KCNK12: variants seen among roughly 807,000 people sequenced by gnomAD.
KCNK12 encodes potassium two pore domain channel subfamily K member 12, also known as potassium channel subfamily K member 12.
KCNK12 carries 6 observed loss-of-function variants against 25.3 expected under a neutral mutation model. The observed-to-expected ratio is 0.24, with a 90% CI of 0.13 to 0.47. The LOEUF is 0.47. KCNK12 is among the 20% of genes least tolerant of loss of function. The pLI is 0.99. For missense variants in KCNK12, 444 were observed against 661.7 expected, an observed-to-expected ratio of 0.67 and a Z score of 3.61; for synonymous variants, 331 against 311.1, an observed-to-expected ratio of 1.06 and a Z score of -0.67.
At chr2:47,530,628 C>A (rs1668899996) in intron 1 of KCNK12, among the ~76,000 whole-genome samples, 1 of 152,186 alleles carries the variant, frequency 6.6e-6, no homozygotes. Flanking sequence ...GCATGAGGCT[C>A]CATGTTTTCA....
At chr2:47,534,242 GT>G (rs1558552871) in intron 1 of KCNK12, among the ~76,000 whole-genome samples, 9 of 150,514 alleles carry the variant, frequency 6.0e-5, no homozygotes, top group Non-Finnish European at 8.8e-5. Flanking sequence ...CCCCCACTCT[GT>G]GCTTTATCTC....
chr2:47,521,578 C>T lies in KCNK12; in HGVS notation c.622G>A (p.Gly208Ser). The change falls in exon 2 of 2, where the codon GGC (glycine) becomes AGC (serine). Residue 208 changes from glycine to serine, a missense_variant. Coordinates refer to ENST00000327876, the MANE Select transcript of KCNK12 (RefSeq NM_022055.2). ...SALSEADSLAGWKPSVYHVLL... is the reference protein window; with the variant it reads ...SALSEADSLASWKPSVYHVLL... ...ACGTGGTACACCGAGGGCTTCCAGCCCGCCAGGCTGTCGGCCTCCGAGAGC... is the reference window on the plus strand; with the variant it reads ...ACGTGGTACACCGAGGGCTTCCAGCTCGCCAGGCTGTCGGCCTCCGAGAGC... 9 of 1,559,100 alleles carry T rather than the reference C, an allele frequency of 5.8e-6. No individual in the cohort carries two copies. The highest frequency in any genetic ancestry group is 1.2e-5 in the South Asian group (1 of 84,972).
intron 1 of KCNK12, among the ~76,000 whole-genome samples, chr2:47,537,409 C>A (rs1433711332): frequency 6.6e-6 from 1 of 151,940 alleles, no homozygotes; most frequent in African/African-American, 2.4e-5. Flanking sequence ...CAGCTCTCTG[C>A]AACCTCCGCC....
At chr2:47,558,265 A>C (rs1669590808) in intron 1 of KCNK12, among the ~76,000 whole-genome samples, 2 of 152,248 alleles carry the variant, frequency 1.3e-5, no homozygotes, top group African/African-American at 4.8e-5. Context: ...ACAGTCACAC[A>C]AGTGATTCCA....
At chr2:47,539,352 T>A (rs1345787234) in intron 1 of KCNK12, among the ~76,000 whole-genome samples, 1 of 152,216 alleles carries the variant, frequency 6.6e-6, no homozygotes, top group Non-Finnish European at 1.5e-5. Flanking sequence ...AATCAAGGAC[T>A]GTTTATTAAA....
Position 47,570,188 on chromosome 2 carries a change from G to C in KCNK12, c.144C>G (p.Leu48=). The C allele has an allele frequency of 6.7e-7, 1 of 1,494,394 alleles. No individual in the cohort carries two copies. The allele number at this position is 1,494,394 out of a possible 1,614,324, so 92.6% of individuals were successfully genotyped here. The change falls in exon 1 of 2, where the codon CTC becomes CTG. Residue 48 remains leucine, a synonymous_variant. Coordinates refer to ENST00000327876, the MANE Select transcript of KCNK12 (RefSeq NM_022055.2). ...RFVLLAALIG[L]YLVAGATVFS... Reference sequence around the variant, plus strand: ...AGACTGTGGCACCCGCCACCAGGTAGAGGCCGATGAGCGCCGCCAGCAGCA... The same window carrying C: ...AGACTGTGGCACCCGCCACCAGGTACAGGCCGATGAGCGCCGCCAGCAGCA...
Position 47,570,107 on chromosome 2 carries a change from C to T in KCNK12, c.225G>A (p.Thr75=). 3 of 1,409,320 alleles carry T rather than the reference C, an allele frequency of 2.1e-6. No individual in the cohort carries two copies. The highest frequency in any genetic ancestry group is 1.5e-5 in the South Asian group (1 of 67,276). The allele number at this position is 1,409,320 out of a possible 1,614,324, so 87.3% of individuals were successfully genotyped here. A position where few individuals can be genotyped will look rare whatever the true frequency, so the allele number is the denominator to read the frequency against. ...EAEARARWGA[T]LRNFSAAHGV... Reference sequence around the variant, plus strand: ...CGTGCGCAGCGCTGAAGTTGCGCAGCGTGGCGCCCCAGCGCGCCCGCGCCT... The same window carrying T: ...CGTGCGCAGCGCTGAAGTTGCGCAGTGTGGCGCCCCAGCGCGCCCGCGCCT... The change falls in exon 1 of 2, where the codon ACG becomes ACA. Residue 75 remains threonine (T), a synonymous_variant. Transcript: ENST00000327876.
In KCNK12 at chr2:47,512,284, C is replaced by G. The variant is rs1413377023; in HGVS notation, c.*8623G>C. Reference sequence around the variant, plus strand: ...CCGTGGAACTCCTACATTTTCTCCTCTCTTCTCCTTCCTTTCAGAACCTCA... The same window carrying G: ...CCGTGGAACTCCTACATTTTCTCCTGTCTTCTCCTTCCTTTCAGAACCTCA... On this transcript the variant is annotated 3_prime_UTR_variant, in exon 2 of 2. Transcript: ENST00000327876. The G allele has an allele frequency of 6.2e-7, 1 of 1,611,532 alleles. No individual in the cohort carries two copies. The highest frequency in any genetic ancestry group is 8.5e-7 in the Non-Finnish European group (1 of 1,179,424).
In KCNK12 at chr2:47,512,541, C is replaced by T; in HGVS notation, c.*8366G>A. 1 of 1,242,622 alleles carries T rather than the reference C, an allele frequency of 8.0e-7. No individual in the cohort carries two copies. Among genetic ancestry groups the T allele is most frequent in the African/African-American group, 1.5e-5 (1 of 65,768 alleles). The allele number at this position is 1,242,622 out of a possible 1,614,324, so 77.0% of individuals were successfully genotyped here. A position where few individuals can be genotyped will look rare whatever the true frequency, so the allele number is the denominator to read the frequency against. ...GAGCAGGAAGCTCTCAAAAATGGAC[C>T]AGAAAGGGGTCAGGAATATAACTTT... On this transcript the variant is annotated 3_prime_UTR_variant, in exon 2 of 2. Coordinates refer to ENST00000327876, the MANE Select transcript of KCNK12 (RefSeq NM_022055.2).
Position 47,551,120 on chromosome 2 carries a change from A to G in KCNK12, c.391+18821T>C, listed in dbSNP as rs1271341477. Among the ~76,000 whole-genome samples, 1 of 152,142 alleles carries G rather than the reference A, an allele frequency of 6.6e-6. No individual in the cohort carries two copies. Among genetic ancestry groups the G allele is most frequent in the Non-Finnish European group, 1.5e-5 (1 of 68,032 alleles). Reference sequence around the variant, plus strand: ...GTGGCCTGGAGACCCTGCATGACCTAGTCTCTGGCTACTGCTCTGAGCTCA... The same window carrying G: ...GTGGCCTGGAGACCCTGCATGACCTGGTCTCTGGCTACTGCTCTGAGCTCA... On this transcript the variant is annotated intron_variant, in intron 1 of 1. Transcript: ENST00000327876. This position sits in a 1 kb window ranked among gnomAD's most constrained non-coding sequence, Gnocchi z 5.3.
At chr2:47,535,418 C>G (rs1297089908) in intron 1 of KCNK12, among the ~76,000 whole-genome samples, 1 of 151,808 alleles carries the variant, frequency 6.6e-6, no homozygotes, top group Non-Finnish European at 1.5e-5. Flanking sequence ...GGTCACTGGA[C>G]TGCGGCTGAG....
At chr2:47,522,902 T>C (rs1402800885) in intron 1 of KCNK12, among the ~76,000 whole-genome samples, 4 of 152,250 alleles carry the variant, frequency 2.6e-5, no homozygotes, top group Admixed American at 6.5e-5. Flanking sequence ...CAATTTTTTT[T>C]CCCAAGTGTG....
intron 1 of KCNK12, among the ~76,000 whole-genome samples, chr2:47,559,055 A>G (rs1356024365): frequency 6.6e-6 from 1 of 152,248 alleles, no homozygotes; most frequent in African/African-American, 2.4e-5. Context: ...TGGGAAAACT[A>G]GGACCAGAAG....
At chr2:47,532,623 A>G (rs939545870) in intron 1 of KCNK12, among the ~76,000 whole-genome samples, 11 of 152,012 alleles carry the variant, frequency 7.2e-5, no homozygotes, top group African/African-American at 2.7e-4. Flanking sequence ...AACCTGGACA[A>G]CTCACAGTCA....
chr2:47,543,673 C>G (rs1015556476), intron 1 of KCNK12: 1 of 152,204 alleles, frequency 6.6e-6, no homozygotes, highest in Non-Finnish European at 1.5e-5. Context: ...AGGGCAGAGT[C>G]GGGGATCAGG....
Position 47,569,007 on chromosome 2 carries a change from G to C in KCNK12, c.391+934C>G, listed in dbSNP as rs1669836452. On this transcript the variant is annotated intron_variant, in intron 1 of 1. Transcript: ENST00000327876. This position sits in a 1 kb window ranked among gnomAD's most constrained non-coding sequence, Gnocchi z 4.1. ...GTGAGTGAGAGGAGAGGAAGAAAGA[G>C]GAATGAAGGGGTGGATGGAGAGCAG... 6.6e-6 allele frequency among the ~76,000 whole-genome samples: 1 copy of C among 152,054 alleles called. No individual in the cohort carries two copies. Among genetic ancestry groups the C allele is most frequent in the Admixed American group, 6.5e-5 (1 of 15,272 alleles).
Position 47,514,404 on chromosome 2 carries a change from C to T in KCNK12, c.*6503G>A, listed in dbSNP as rs2104678668. Reference sequence around the variant, plus strand: ...CAAGGGCGGTCCTGTCTTTCTCACCCTTGTCTCTCCAGCCCCTAACACAGG... The same window carrying T: ...CAAGGGCGGTCCTGTCTTTCTCACCTTTGTCTCTCCAGCCCCTAACACAGG... On this transcript the variant is annotated 3_prime_UTR_variant, in exon 2 of 2. Transcript: ENST00000327876. The surrounding 1 kb of genome is among the most constrained non-coding windows in gnomAD (Gnocchi z 5.0). Among the ~76,000 whole-genome samples the T allele has an allele frequency of 6.6e-6, 1 of 152,316 alleles. No homozygotes were observed. Among genetic ancestry groups the T allele is most frequent in the East Asian group, 1.9e-4 (1 of 5,178 alleles).
rs1328694257 is a variant in KCNK12 at position 47,526,362 on chromosome 2, C to T, written c.392-4554G>A. Among the ~76,000 whole-genome samples, 117 of 147,972 alleles carry T rather than the reference C, an allele frequency of 7.9e-4. 1 individual carries two copies. The highest frequency in any genetic ancestry group is 2.8e-3 in the African/African-American group (110 of 39,964). ...CGGAGCTTGCAGTGAGCCGAGATTG[C>T]GCCACTGCACTCCAGCCTGGGCAAC... On this transcript the variant is annotated intron_variant, in intron 1 of 1. Transcript: ENST00000327876.
intron 1 of KCNK12, 73 bp from the exon 2 acceptor site, chr2:47,521,881 T>A: frequency 9.4e-6 from 2 of 212,176 alleles, no homozygotes; most frequent in Non-Finnish European, 1.5e-5. Flanking sequence ...GTGGGGGGTG[T>A]GGGGGCGGGG....
Sources: gnomAD v4.1 joint callset for allele counts (sites outside exome capture counted in the v4.1 genomes callset) on GRCh38, gnomAD v4.1.1 for gene constraint, Gnocchi (gnomAD v3.1) non-coding constraint, MANE v1.5 for transcripts, NCBI Gene and HGNC (gene_info 2026-07-23, HGNC 2026-07-21) for gene names.